The following AMZ1 variants were observed in gnomAD, a reference collection of about 807,000 sequenced individuals.
AMZ1 encodes archaemetzincin-1.
A neutral mutation model predicts 29.9 loss-of-function variants in AMZ1; 39 were observed. The ratio of observed to expected loss-of-function variants is 1.30; its 90% CI spans 1.01 to 1.70. The LOEUF is 1.70. Ranked by LOEUF, AMZ1 falls within the 40% of genes most tolerant of loss-of-function variation. AMZ1 has a pLI of 0.00. For missense variants in AMZ1, 1,041 were observed against 680.6 expected (o/e 1.53, Z -5.89); for synonymous variants, 458 against 304.0 (o/e 1.51, Z -5.27).
rs774307986 is a variant in AMZ1 at position 2,712,912 on chromosome 7, A to C, written c.*34A>C. ...GGGCTGCCCTACGTCTCCTTCCCTA[A>C]GGATGCTGGCCAGCACTGTCCAGTA... On this transcript the variant is annotated 3_prime_UTR_variant, in exon 7 of 7. Coordinates refer to ENST00000683327, the MANE Select transcript of AMZ1 (RefSeq NM_001384743.1). 18 of 1,507,056 alleles carry C rather than the reference A, an allele frequency of 1.2e-5. No homozygotes were observed. The highest frequency in any genetic ancestry group is 8.4e-5 in the African/African-American group (6 of 71,404). The allele number at this position is 1,507,056 out of a possible 1,614,324, so 93.4% of individuals were successfully genotyped here. A position where few individuals can be genotyped will look rare whatever the true frequency, so the allele number is the denominator to read the frequency against.
rs191159956 is a variant in AMZ1 at position 2,714,739 on chromosome 7, T to A, written c.*1861T>A. The A allele has an allele frequency of 6.6e-6, 1 of 152,234 alleles. No individual in the cohort carries two copies. Among genetic ancestry groups the A allele is most frequent in the Admixed American group, 6.5e-5 (1 of 15,302 alleles). 9.4% of individuals were successfully genotyped at this position (152,234 alleles called of 1,614,324 possible). On this transcript the variant is annotated 3_prime_UTR_variant, in exon 7 of 7. Transcript: ENST00000683327. Reference sequence around the variant, plus strand: ...AGTGTTCGTTCACACGGCTGCCAAGTGGAATTTGGCTGGGAATCTCAGGCC... The same window carrying A: ...AGTGTTCGTTCACACGGCTGCCAAGAGGAATTTGGCTGGGAATCTCAGGCC...
At chr7:2,733,788 TGGGG>T (rs1008925710) in intron 4 of AMZ1, among the ~76,000 whole-genome samples, 2 of 152,176 alleles carry the variant, frequency 1.3e-5, no homozygotes, top group African/African-American at 2.4e-5. Context: ...GCCCCTCTGA[TGGGG>T]GACTCTCTTT....
chr7:2,739,115 G>GCCGGGCCCCTAAAGCA (rs1790368728), intron 4 of AMZ1, among the ~76,000 whole-genome samples: 1 of 152,184 alleles, frequency 6.6e-6, no homozygotes, highest in Admixed American at 6.5e-5. Flanking sequence ...GGGGTGCCAC[G>GCCGGGCCCCTAAAGCA]CCGGGCCCCT....
At chr7:2,720,692 C>T (rs756602070), downstream of AMZ1, among the ~76,000 whole-genome samples, 2 of 151,700 alleles carry the variant, frequency 1.3e-5, no homozygotes, top group African/African-American at 2.4e-5. Flanking sequence ...TGAGCCACTG[C>T]GCCCAGCCTT....
chr7:2,689,424 G>A (rs924855071), intron 1 of AMZ1, among the ~76,000 whole-genome samples: 1 of 152,108 alleles, frequency 6.6e-6, no homozygotes, highest in African/African-American at 2.4e-5. Context: ...AAAAGGCAAG[G>A]GGAGGAGGAA....
upstream of AMZ1, among the ~76,000 whole-genome samples, chr7:2,761,715 TA>T (rs1454243006): frequency 6.6e-6 from 1 of 152,060 alleles, no homozygotes; most frequent in Non-Finnish European, 1.5e-5. Flanking sequence ...TGAATTTGCT[TA>T]AAAAACAATG....
intron 4 of AMZ1, among the ~76,000 whole-genome samples, chr7:2,737,959 C>T (rs1490484709): frequency 2.6e-5 from 4 of 152,156 alleles, no homozygotes; most frequent in Non-Finnish European, 4.4e-5. Flanking sequence ...GCTCAGTGAA[C>T]GCCTGTGACA....
At chr7:2,698,615 T>C (rs986451679) in intron 1 of AMZ1, among the ~76,000 whole-genome samples, 4 of 151,794 alleles carry the variant, frequency 2.6e-5, no homozygotes, top group Non-Finnish European at 4.4e-5. Flanking sequence ...GGAGAGAGGA[T>C]TGCTTGAGCC....
intron 3 of AMZ1, 72 bp downstream of exon 3, chr7:2,702,961 G>A (rs1271007208): frequency 2.0e-5 from 29 of 1,474,810 alleles, no homozygotes; most frequent in African/African-American, 4.3e-5. Flanking sequence ...GGAGGAAGGC[G>A]CCCAGGAGAG....
Position 2,747,251 on chromosome 7 carries a change from C to T in AMZ1, n.551-17461C>T, listed in dbSNP as rs139074224. Among the ~76,000 whole-genome samples, 1,454 of 152,268 alleles carry T rather than the reference C, an allele frequency of 9.5e-3. 11 individuals carry two copies. The highest frequency in any genetic ancestry group is 0.075 in the Middle Eastern group (22 of 294). On this transcript the variant is annotated intron_variant and non_coding_transcript_variant, in intron 4 of 4. Transcript: ENST00000489665. The stretch of plus-strand genomic sequence containing the variant: ...ATTTTAGACCAATATCCTTGATGAA[C>T]ATTGATGCAAAAATCCTCAATAAAA...
Position 2,716,338 on chromosome 7 carries a change from G to A in AMZ1, c.*3460G>A, listed in dbSNP as rs1025627326. ...AACTCATTGTCAGAGTGGGGAGAGG[G>A]GAGAAGCAGCATCCTGACTCCTGTC... On this transcript the variant is annotated 3_prime_UTR_variant, in exon 7 of 7. Coordinates refer to ENST00000683327, the MANE Select transcript of AMZ1 (RefSeq NM_001384743.1). 2.0e-5 allele frequency: 3 copies of A among 152,204 alleles called. No individual in the cohort carries two copies. The highest frequency in any genetic ancestry group is 2.0e-4 in the Admixed American group (3 of 15,282). The allele number at this position is 152,204 out of a possible 1,614,324, so 9.4% of individuals were successfully genotyped here. A position where few individuals can be genotyped will look rare whatever the true frequency, so the allele number is the denominator to read the frequency against.
At chr7:2,689,104 C>T (rs562168217) in intron 1 of AMZ1, among the ~76,000 whole-genome samples, 2 of 152,372 alleles carry the variant, frequency 1.3e-5, no homozygotes, top group South Asian at 4.1e-4. Flanking sequence ...GAGAAACCCC[C>T]AAAACCATCC....
At chr7:2,762,956 A>G (rs1467715074), upstream of AMZ1, 1 of 1,366,884 alleles carries the variant, frequency 7.3e-7, no homozygotes, top group African/African-American at 1.5e-5. Context: ...GGCCCGTGCC[A>G]GGGTCTCCTG....
intron 4 of AMZ1, among the ~76,000 whole-genome samples, chr7:2,725,657 C>G (rs1197042385): frequency 6.6e-6 from 1 of 152,190 alleles, no homozygotes; most frequent in Admixed American, 6.5e-5. Flanking sequence ...CCTGTGGGCT[C>G]CACTCCCAGA....
intron 1 of AMZ1, among the ~76,000 whole-genome samples, chr7:2,691,930 C>T (rs1403777729): frequency 1.3e-5 from 2 of 152,020 alleles, no homozygotes; most frequent in Non-Finnish European, 2.9e-5. Context: ...AATTGATAGG[C>T]CCCTGTGGAC....
At chr7:2,755,896 A>C (rs139264023) in intron 4 of AMZ1, among the ~76,000 whole-genome samples, 33 of 152,352 alleles carry the variant, frequency 2.2e-4, no homozygotes, top group Middle Eastern at 3.4e-3. Context: ...TATGCTCCCC[A>C]AATTGATCTA....
In AMZ1 at chr7:2,731,791, G is replaced by A. The variant is rs748851227; in HGVS notation, n.550+21975G>A. Reference sequence around the variant, plus strand: ...TGAGGCAGAAATTTAGGGGGAGGAAGAAAGAACAGAGAAAATAGAAACAAA... The same window carrying A: ...TGAGGCAGAAATTTAGGGGGAGGAAAAAAGAACAGAGAAAATAGAAACAAA... On this transcript the variant is annotated intron_variant and non_coding_transcript_variant, in intron 4 of 4. Coordinates refer to the AMZ1 transcript ENST00000489665. This position sits in a 1 kb window ranked among gnomAD's most constrained non-coding sequence, Gnocchi z 6.0. 9.7e-7 allele frequency: 1 copy of A among 1,029,362 alleles called. No individual in the cohort carries two copies. Among genetic ancestry groups the A allele is most frequent in the African/African-American group, 1.6e-5 (1 of 63,234 alleles). 63.8% of individuals were successfully genotyped at this position (1,029,362 alleles called of 1,614,324 possible).
At chr7:2,738,690 A>G (rs1790338274) in intron 4 of AMZ1, among the ~76,000 whole-genome samples, 1 of 152,248 alleles carries the variant, frequency 6.6e-6, no homozygotes, top group Middle Eastern at 3.4e-3. Context: ...CTTTGGAACC[A>G]TGCTAACATC....
At chr7:2,706,298 C>G (rs1228700041) in intron 3 of AMZ1, among the ~76,000 whole-genome samples, 1 of 152,180 alleles carries the variant, frequency 6.6e-6, no homozygotes, top group Admixed American at 6.5e-5. Context: ...TCCCAAGTAG[C>G]TGGGACCGCA....
Sources: gnomAD v4.1 joint callset for allele counts (sites outside exome capture counted in the v4.1 genomes callset) on GRCh38, gnomAD v4.1.1 for gene constraint, Gnocchi (gnomAD v3.1) non-coding constraint, MANE v1.5 for transcripts, NCBI Gene and HGNC (gene_info 2026-07-23, HGNC 2026-07-21) for gene names.